Variants in COL24A1 observed in about 807,000 individuals in gnomAD.
The protein encoded by COL24A1 is collagen type XXIV alpha 1 chain.
Under a neutral mutation model 253.9 loss-of-function variants are expected in COL24A1, and 224 were observed. The observed-to-expected ratio is 0.88, with a 90% confidence interval of 0.79 to 0.99. The LOEUF (loss-of-function observed/expected upper bound fraction) is 0.99, where lower values mean the gene tolerates loss of function less well. Ranked by LOEUF, COL24A1 falls within the 50% of genes least tolerant of loss-of-function variation. COL24A1 has a pLI of 0.00. For missense variants in COL24A1, 2,131 were observed against 2,068.5 expected (o/e 1.03, Z -0.59); for synonymous variants, 685 against 673.7 (o/e 1.02, Z -0.26).
intron 19 of COL24A1, among the ~76,000 whole-genome samples, chr1:86,001,690 G>T (rs191203073): frequency 6.7e-4 from 102 of 151,978 alleles, no homozygotes; most frequent in African/African-American, 2.0e-3. Context: ...CAAATTATAG[G>T]GGAAAAAAAA....
intron 24 of COL24A1, among the ~76,000 whole-genome samples, chr1:85,925,362 C>T (rs907311768): frequency 2.0e-5 from 3 of 152,238 alleles, no homozygotes; most frequent in South Asian, 2.1e-4. Flanking sequence ...CCCGCATTGC[C>T]AAGTCAATCC....
chr1:86,089,518 G>T lies in COL24A1; in HGVS notation c.1654-291C>A, dbSNP rs79227813. On this transcript the variant is annotated intron_variant, in intron 6 of 59. Transcript: ENST00000370571. ...TTCGCCTCAGTCCAAGGTCTACCAT[G>T]TTTTAAAAATTGAAAGTAGGGCTGG... is the stretch of plus-strand genomic sequence containing the variant. Among the ~76,000 whole-genome samples the T allele has an allele frequency of 2.4e-3, 364 of 152,264 alleles. 9 individuals carry two copies. The East Asian group carries it at 0.045, about 19-fold the overall frequency.
intron 51 of COL24A1, among the ~76,000 whole-genome samples, chr1:85,782,720 G>T (rs559778884): frequency 1.3e-5 from 2 of 152,266 alleles, no homozygotes; most frequent in South Asian, 2.1e-4. Flanking sequence ...CATCTGCACT[G>T]CTTCCCTTTT....
intron 5 of COL24A1, among the ~76,000 whole-genome samples, chr1:86,108,025 T>C (rs1705170004): frequency 6.6e-6 from 1 of 152,176 alleles, no homozygotes; most frequent in African/African-American, 2.4e-5. Context: ...AAATATCTTA[T>C]TGGTGAATAG....
At chr1:85,912,548 T>C (rs1446754971) in intron 24 of COL24A1, among the ~76,000 whole-genome samples, 1 of 152,216 alleles carries the variant, frequency 6.6e-6, no homozygotes, top group Non-Finnish European at 1.5e-5. Context: ...TGACTTGTCA[T>C]TTATCTAATG....
intron 43 of COL24A1, among the ~76,000 whole-genome samples, chr1:85,834,201 A>C (rs375588822): frequency 1.3e-5 from 2 of 152,128 alleles, no homozygotes; most frequent in East Asian, 3.8e-4. Context: ...GATTCCAGAA[A>C]CATTTAAGAA....
intron 24 of COL24A1, among the ~76,000 whole-genome samples, chr1:85,927,333 A>C (rs138003291): frequency 0.037 from 5,607 of 152,098 alleles, 158 homozygotes; most frequent in African/African-American, 0.075. Context: ...CGGCACCTGG[A>C]AAATCGGGTC....
At chr1:85,883,408 A>T (rs372333423) in intron 32 of COL24A1, among the ~76,000 whole-genome samples, 14 of 151,646 alleles carry the variant, frequency 9.2e-5, no homozygotes, top group African/African-American at 3.4e-4. Flanking sequence ...TTTGGTAGAG[A>T]TGGGGTTTTA....
At position 86,081,848 on chromosome 1, in the gene COL24A1, G is replaced by A. The variant is rs113279892; in HGVS notation, c.1707+7326C>T. Among the ~76,000 whole-genome samples the A allele has an allele frequency of 3.4e-3, 511 of 152,264 alleles. 1 individual carries two copies. Among genetic ancestry groups the A allele is most frequent in the African/African-American group, 0.011 (475 of 41,572 alleles). ...TGGTAACCAAAATATATGTATATTG[G>A]AACCAGACAAAGTAAGGACTGCCTG... is the stretch of plus-strand genomic sequence containing the variant. On this transcript the variant is annotated intron_variant, in intron 7 of 59. Coordinates refer to ENST00000370571, the MANE Select transcript of COL24A1 (RefSeq NM_152890.7).
At chr1:85,964,104 T>C (rs1222907343) in intron 23 of COL24A1, among the ~76,000 whole-genome samples, 1 of 152,096 alleles carries the variant, frequency 6.6e-6, no homozygotes, top group Non-Finnish European at 1.5e-5. Flanking sequence ...TCCAGCATCA[T>C]AAAAATGATA....
At chr1:85,809,124 G>A (rs566331095) in intron 47 of COL24A1, among the ~76,000 whole-genome samples, 3 of 152,102 alleles carry the variant, frequency 2.0e-5, no homozygotes, top group Admixed American at 6.5e-5. Flanking sequence ...TGGGCAAGTC[G>A]CAAATCTTGT....
chr1:86,106,519 T>G (rs965590017), intron 5 of COL24A1, among the ~76,000 whole-genome samples: 1 of 152,172 alleles, frequency 6.6e-6, no homozygotes, highest in African/African-American at 2.4e-5. Flanking sequence ...TGGACTGGAA[T>G]TGTAAGCACA....
At chr1:85,730,835 G>T in intron 59 of COL24A1, 143 bp from the exon 60 acceptor site, 1 of 774,504 alleles carries the variant, frequency 1.3e-6, no homozygotes, top group Non-Finnish European at 2.0e-6. Context: ...CTCAATAAAT[G>T]GTAAAATTAC....
chr1:85,738,554 C>T (rs998982346), intron 57 of COL24A1, among the ~76,000 whole-genome samples: 5 of 152,128 alleles, frequency 3.3e-5, no homozygotes, highest in Non-Finnish European at 5.9e-5. Flanking sequence ...GACTAATAGA[C>T]TGAGAGTATT....
At chr1:85,936,458 T>C (rs1688257852) in intron 24 of COL24A1, among the ~76,000 whole-genome samples, 1 of 147,406 alleles carries the variant, frequency 6.8e-6, no homozygotes, top group Admixed American at 6.8e-5. Flanking sequence ...AAAGATCTCG[T>C]CAGTATGTAC....
chr1:86,026,405 T>C (rs1044542856), intron 14 of COL24A1, among the ~76,000 whole-genome samples: 1 of 152,104 alleles, frequency 6.6e-6, no homozygotes, highest in East Asian at 1.9e-4. Context: ...GTGGACATAA[T>C]CAGATCATTG....
At chr1:86,110,286 T>G (rs944833298) in intron 5 of COL24A1, among the ~76,000 whole-genome samples, 3 of 151,928 alleles carry the variant, frequency 2.0e-5, no homozygotes, top group African/African-American at 7.2e-5. Flanking sequence ...TTTAGTGATA[T>G]CTCCATTCCC....
rs1439096590 is a variant in COL24A1 at position 86,152,795 on chromosome 1, G to C, written c.56+3546C>G. Among the ~76,000 whole-genome samples the C allele has an allele frequency of 2.6e-5, 4 of 152,184 alleles. No individual in the cohort carries two copies. In the South Asian group the frequency reaches 6.2e-4, roughly 24 times the overall value. ...AAGTTCCTGGCACATACTAGTGTTA[G>C]ATAAAGATTTTCAAGTGAACTAATG... On this transcript the variant is annotated intron_variant, in intron 1 of 59. Coordinates refer to ENST00000370571, the MANE Select transcript of COL24A1 (RefSeq NM_152890.7).
At chr1:86,104,463 G>A (rs1039158342) in intron 5 of COL24A1, among the ~76,000 whole-genome samples, 1 of 152,196 alleles carries the variant, frequency 6.6e-6, no homozygotes, top group Non-Finnish European at 1.5e-5. Context: ...GACTTTTTAA[G>A]TTCTCAGAGT....
Sources: allele counts gnomAD v4.1 joint callset (sites outside exome capture counted in the v4.1 genomes callset), GRCh38; gene constraint gnomAD v4.1.1; transcripts MANE v1.5; gene names NCBI Gene and HGNC (gene_info 2026-07-23, HGNC 2026-07-21).